GSK3B: variants seen among roughly 807,000 people sequenced by gnomAD.
The protein encoded by GSK3B is glycogen synthase kinase 3 beta.
In GSK3B, 15 loss-of-function variants were observed where a neutral mutation model predicts 56.4. The ratio of observed to expected loss-of-function variants is 0.27; its 90% CI spans 0.18 to 0.41. The LOEUF is 0.41. Ranked by LOEUF, GSK3B falls within the 10% of genes least tolerant of loss-of-function variation. The pLI, the probability that GSK3B is intolerant of heterozygous loss-of-function variation, is 1.00. For synonymous variants in GSK3B, 181 were observed against 188.9 expected, an observed-to-expected ratio of 0.96 and a Z score of 0.34; for missense variants, 300 against 513.4, an observed-to-expected ratio of 0.58 and a Z score of 4.02.
Position 119,948,922 on chromosome 3 carries a change from G to A in GSK3B, c.283-1571C>T, listed in dbSNP as rs182047961. On this transcript the variant is annotated intron_variant, in intron 2 of 10. Coordinates refer to ENST00000264235, the MANE Select transcript of GSK3B (RefSeq NM_001146156.2). ...TCACCATGTTGGCCAGGCTGGTCTC[G>A]AACTCCTGACCTCAGACAATCCACC... Among the ~76,000 whole-genome samples, 39 of 152,084 alleles carry A rather than the reference G, an allele frequency of 2.6e-4. No individual in the cohort carries two copies. In the East Asian group the frequency reaches 7.0e-3, roughly 27 times the overall value.
intron 1 of GSK3B, among the ~76,000 whole-genome samples, chr3:120,033,701 T>TC (rs1385074173): frequency 2.6e-5 from 4 of 152,122 alleles, no homozygotes; most frequent in Non-Finnish European, 4.4e-5. Flanking sequence ...GGGACAGACT[T>TC]CCCCCTTGCT....
intron 1 of GSK3B, among the ~76,000 whole-genome samples, chr3:120,050,803 A>C (rs930890404): frequency 7.9e-5 from 12 of 152,214 alleles, no homozygotes; most frequent in Admixed American, 7.9e-4. Context: ...TTAGAGGACT[A>C]GATCTGGTCA....
At chr3:120,071,896 T>C (rs1425725623) in intron 1 of GSK3B, among the ~76,000 whole-genome samples, 1 of 152,204 alleles carries the variant, frequency 6.6e-6, no homozygotes, top group African/African-American at 2.4e-5. Flanking sequence ...AAGTGGGGTC[T>C]AAAAAATCCA....
chr3:119,982,815 T>C (rs2057476766), intron 2 of GSK3B, among the ~76,000 whole-genome samples: 4 of 152,104 alleles, frequency 2.6e-5, no homozygotes, highest in Admixed American at 2.6e-4. Flanking sequence ...TTCCCTAACC[T>C]AGGAAGGCAG....
intron 2 of GSK3B, among the ~76,000 whole-genome samples, chr3:119,968,989 T>G (rs368609903): frequency 5.3e-5 from 8 of 152,136 alleles, no homozygotes; most frequent in Admixed American, 2.6e-4. Flanking sequence ...TAACAAAATA[T>G]GTACAAGATC....
At chr3:120,082,281 T>C (rs2058425904) in intron 1 of GSK3B, among the ~76,000 whole-genome samples, 2 of 150,758 alleles carry the variant, frequency 1.3e-5, no homozygotes, top group South Asian at 4.2e-4. Flanking sequence ...AAAAATAATA[T>C]AATTCCTGGA....
At chr3:120,018,466 T>C (rs764111769) in intron 1 of GSK3B, among the ~76,000 whole-genome samples, 4 of 152,182 alleles carry the variant, frequency 2.6e-5, no homozygotes, top group African/African-American at 9.7e-5. Context: ...CAATGCCCCA[T>C]GTATAACAGC....
At position 119,824,332 on chromosome 3, in the gene GSK3B, C is replaced by A. The variant is rs774061989; in HGVS notation, c.*2456G>T. ...GAAAGAAAAATCACACATCTCAGCA[C>A]ACACACACACACACACACACGCACA... On this transcript the variant is annotated 3_prime_UTR_variant, in exon 11 of 11. Coordinates refer to ENST00000264235, the MANE Select transcript of GSK3B (RefSeq NM_001146156.2). 3.0e-3 allele frequency: 43 copies of A among 14,556 alleles called. No individual in the cohort carries two copies. The highest frequency in any genetic ancestry group is 1.6e-3 in the Non-Finnish European group (10 of 6,084). The allele number at this position is 14,556 out of a possible 1,614,324, so 0.9% of individuals were successfully genotyped here.
chr3:119,935,924 T>C (rs893614684), intron 3 of GSK3B, among the ~76,000 whole-genome samples: 14 of 152,148 alleles, frequency 9.2e-5, no homozygotes, highest in African/African-American at 2.9e-4. Flanking sequence ...ATCTCAGAAA[T>C]GTAAGGTAGG....
At chr3:119,928,484 A>C (rs2056909366) in intron 3 of GSK3B, among the ~76,000 whole-genome samples, 1 of 151,936 alleles carries the variant, frequency 6.6e-6, no homozygotes, top group Non-Finnish European at 1.5e-5. Flanking sequence ...AGGTGCCTGT[A>C]GTCCTAGCTA....
intron 3 of GSK3B, among the ~76,000 whole-genome samples, chr3:119,937,936 G>A (rs893890197): frequency 6.6e-6 from 1 of 150,638 alleles, no homozygotes; most frequent in Non-Finnish European, 1.5e-5. Flanking sequence ...TGAAAGTGGG[G>A]CCATTACTAC....
At chr3:119,953,650 A>G (rs2057181072) in intron 2 of GSK3B, among the ~76,000 whole-genome samples, 1 of 152,080 alleles carries the variant, frequency 6.6e-6, no homozygotes, top group Non-Finnish European at 1.5e-5. Context: ...TGTGAATTCT[A>G]TATTATCGCT....
chr3:119,965,416 T>C (rs1055090083), intron 2 of GSK3B, among the ~76,000 whole-genome samples: 5 of 151,520 alleles, frequency 3.3e-5, no homozygotes, highest in Admixed American at 6.6e-5. Flanking sequence ...GAGACTAGGT[T>C]GCCCAGGCTA....
intron 1 of GSK3B, among the ~76,000 whole-genome samples, chr3:120,043,775 G>A (rs2058081684): frequency 6.6e-6 from 1 of 152,174 alleles, no homozygotes; most frequent in African/African-American, 2.4e-5. Context: ...CCCCTTCAGA[G>A]CACTTTTACG....
At chr3:119,958,062 G>A (rs1426003065) in intron 2 of GSK3B, among the ~76,000 whole-genome samples, 1 of 152,120 alleles carries the variant, frequency 6.6e-6, no homozygotes, top group Non-Finnish European at 1.5e-5. Flanking sequence ...AAGTGACTGG[G>A]AGAGATGGTT....
At chr3:119,939,081 G>A (rs1476967525) in intron 3 of GSK3B, among the ~76,000 whole-genome samples, 1 of 152,004 alleles carries the variant, frequency 6.6e-6, no homozygotes, top group Non-Finnish European at 1.5e-5. Flanking sequence ...GGCTAAAAGG[G>A]GGGCTGGGGG....
intron 7 of GSK3B, among the ~76,000 whole-genome samples, chr3:119,880,906 C>T (rs2056372054): frequency 6.6e-6 from 1 of 152,114 alleles, no homozygotes. Flanking sequence ...AAACAAACAA[C>T]AGCGGCAATG....
intron 1 of GSK3B, among the ~76,000 whole-genome samples, chr3:120,058,061 TTTAG>T (rs2058205636): frequency 6.6e-6 from 1 of 152,114 alleles, no homozygotes; most frequent in African/African-American, 2.4e-5. Context: ...ATTTTATTTA[TTTAG>T]TAAGGAAAAA....
At chr3:119,989,132 G>A (rs752197993) in intron 2 of GSK3B, among the ~76,000 whole-genome samples, 16 of 152,156 alleles carry the variant, frequency 1.1e-4, no homozygotes, top group Non-Finnish European at 1.9e-4. Context: ...GACCATCACA[G>A]AAGGAAATCT....
Sources: gnomAD v4.1 joint callset for allele counts (sites outside exome capture counted in the v4.1 genomes callset) on GRCh38, gnomAD v4.1.1 for gene constraint, MANE v1.5 for transcripts, NCBI Gene and HGNC (gene_info 2026-07-23, HGNC 2026-07-21) for gene names.